The following REXO1 variants were observed in gnomAD, a reference collection of about 807,000 sequenced individuals.
REXO1 encodes REX1, RNA exonuclease 1 homolog.
A neutral mutation model predicts 102.6 loss-of-function variants in REXO1; 42 were observed. The ratio of observed to expected loss-of-function variants is 0.41; its 90% confidence interval spans 0.32 to 0.53. The LOEUF (loss-of-function observed/expected upper bound fraction) is 0.53. Among genes scored for constraint, REXO1 ranks in the 20% least tolerant of loss-of-function variants. The pLI is 0.27. For missense variants in REXO1, 1,819 were observed against 1,732.5 expected (o/e 1.05, Z -0.89); for synonymous variants, 908 against 779.1 (o/e 1.17, Z -2.76).
At position 1,819,041 on chromosome 19, in the gene REXO1, C is replaced by A. The variant is rs765938988; in HGVS notation, c.2741G>T (p.Ser914Ile). The part of the protein sequence containing the change: ...KTSFSLSRPS[S>I]PRVEDLKGAA... ...ACCTTTCAGGTCCTCCACCCGGGGG[C>A]TGCTTGGACGGCTGAGCGAGAAGCT... is the stretch of plus-strand genomic sequence containing the variant. The change falls in exon 8 of 16, where the codon AGC becomes ATC. Residue 914 changes from serine (S) to isoleucine (I), a missense_variant. Ser to Ile is a moderately radical substitution (Grantham distance 142). Transcript: ENST00000170168. The A allele has an allele frequency of 6.2e-7, 1 of 1,602,380 alleles. No homozygotes were observed. The highest frequency in any genetic ancestry group is 8.5e-7 in the Non-Finnish European group (1 of 1,173,620).
rs758182087 is a variant in REXO1 at position 1,818,499 on chromosome 19, C to T, written c.2999G>A (p.Arg1000Gln). The change falls in exon 10 of 16, where the codon CGG becomes CAG. Residue 1000 changes from arginine (R) to glutamine (Q), a missense_variant. Coordinates refer to ENST00000170168, the MANE Select transcript of REXO1 (RefSeq NM_020695.4). ...GGCCTTACCCCGGTTCCGGCGCAGC[C>T]GTCCCCAGTGGTAATAACACTCCTC... ...RDEECYYHWGRLRRNRVAGGW... is the reference protein window; with the variant it reads ...RDEECYYHWGQLRRNRVAGGW... 2.5e-6 allele frequency: 4 copies of T among 1,607,510 alleles called. No individual in the cohort carries two copies. The highest frequency in any genetic ancestry group is 1.1e-5 in the South Asian group (1 of 90,186).
rs1277483640 is a variant in REXO1 at position 1,848,442 on chromosome 19, G to C, written c.-84C>G. On this transcript the variant is annotated 5_prime_UTR_variant, in exon 1 of 16. Coordinates refer to ENST00000170168, the MANE Select transcript of REXO1 (RefSeq NM_020695.4). ...TGGCGCCGCGGTCGCCGCCGCCCGC[G>C]CCTCACGGACCCCGCCGCCGCCATC... 2 of 1,026,730 alleles carry C rather than the reference G, an allele frequency of 1.9e-6. No individual in the cohort carries two copies. Among genetic ancestry groups the C allele is most frequent in the African/African-American group, 3.4e-5 (2 of 58,048 alleles). 63.6% of individuals were successfully genotyped at this position (1,026,730 alleles called of 1,614,324 possible).
chr19:1,818,277 TTG>T (rs1393541471), intron 10 of REXO1, among the ~76,000 whole-genome samples: 6 of 152,188 alleles, frequency 3.9e-5, no homozygotes, highest in Admixed American at 2.0e-4. Flanking sequence ...GGGAAAGCTC[TTG>T]TCTTACTTTT....
intron 1 of REXO1, chr19:1,830,715 AG>A: frequency 8.2e-6 from 2 of 244,740 alleles, no homozygotes; most frequent in Non-Finnish European, 1.7e-5. Flanking sequence ...CCCGTCACTG[AG>A]GGGGCCATGG....
In REXO1 at chr19:1,827,133, G is replaced by A. The variant is rs990558690; in HGVS notation, c.1656C>T (p.Ser552=). Residue 552 remains serine, a synonymous_variant, in exon 2 of 16, where the codon TCC becomes TCT. Coordinates refer to ENST00000170168, the MANE Select transcript of REXO1 (RefSeq NM_020695.4). ...GGAAGCCCAGGCTGGAGTCTGAGTC[G>A]GAGTCTGAGTCCGAGCTGAGGCTGG... ...ALPSLSSDSD[S]DSDSSLGFPE... is the part of the protein sequence containing the mutation. 51 of 1,542,176 alleles carry A rather than the reference G, an allele frequency of 3.3e-5. No homozygotes were observed. In the East Asian group the frequency reaches 4.9e-4, roughly 15 times the overall value.
intron 1 of REXO1, among the ~76,000 whole-genome samples, chr19:1,836,814 C>T (rs1405876184): frequency 7.2e-5 from 11 of 152,010 alleles, no homozygotes; most frequent in Admixed American, 6.5e-4. Flanking sequence ...TCGGTGGGCC[C>T]GCAGGGCTCT....
rs2069710368 is a variant in REXO1 at position 1,826,056 on chromosome 19, C to T, written c.1912-113G>A. ...GGAATGGAACAGTCCAGCCCCCAGG[C>T]ACAGCAGCTGAGGGCTCAGGGCCAA... On this transcript the variant is annotated intron_variant, in intron 2 of 15. Coordinates refer to ENST00000170168, the MANE Select transcript of REXO1 (RefSeq NM_020695.4). The surrounding 1 kb of genome is among the most constrained non-coding windows in gnomAD (Gnocchi z 4.3). The T allele has an allele frequency of 6.8e-6, 5 of 735,426 alleles. No homozygotes were observed. The highest frequency in any genetic ancestry group is 4.4e-5 in the Admixed American group (2 of 45,032). 45.6% of individuals were successfully genotyped at this position (735,426 alleles called of 1,614,324 possible).
Position 1,825,895 on chromosome 19 carries a change from T to C in REXO1, c.1960A>G (p.Thr654Ala), listed in dbSNP as rs768744227. The part of the protein sequence containing the change: ...SEEKGLSGLT[T>A]LFPGQKRRIS... ...CTCCTCTTCTGCCCGGGGAACAGAG[T>C]GGTCAGACCCGAAAGCCCCTTCTCC... Residue 654 changes from threonine to alanine, a missense_variant, in exon 3 of 16, where the codon ACT becomes GCT. Transcript: ENST00000170168. The C allele has an allele frequency of 2.5e-6, 4 of 1,612,280 alleles. No individual in the cohort carries two copies. The highest frequency in any genetic ancestry group is 1.1e-5 in the South Asian group (1 of 91,018).
Position 1,843,993 on chromosome 19 carries a change from G to A in REXO1, c.157+4209C>T, listed in dbSNP as rs570915631. Among the ~76,000 whole-genome samples the A allele has an allele frequency of 4.7e-4, 71 of 152,370 alleles. 1 individual carries two copies. In the South Asian group the frequency reaches 0.012, roughly 25 times the overall value. On this transcript the variant is annotated intron_variant, in intron 1 of 15. Transcript: ENST00000170168. ...TGACTCGGGGCCTCAGAGTTTCCGAGGAGAGCTGGCAAGCCCTAACAGATC... is the reference window on the plus strand; with the variant it reads ...TGACTCGGGGCCTCAGAGTTTCCGAAGAGAGCTGGCAAGCCCTAACAGATC...
chr19:1,818,721 TCTC>T lies in REXO1; in HGVS notation c.2884_2886del (p.Glu962del), dbSNP rs759178484. ...AGCGACTCACAGTCCTTGGGCCTCT[TCTC>T]CTCAGCTGTGAAGATGATTGCGCCC... is the stretch of plus-strand genomic sequence containing the variant. On this transcript the variant is annotated inframe_deletion, in exon 9 of 16. Transcript: ENST00000170168. The T allele has an allele frequency of 1.2e-5, 20 of 1,611,004 alleles. No homozygotes were observed. The highest frequency in any genetic ancestry group is 1.2e-4 in the Admixed American group (7 of 59,988).
chr19:1,827,685 C>G lies in REXO1; in HGVS notation c.1104G>C (p.Gly368=). The change falls in exon 2 of 16, where the codon GGG becomes GGC. Residue 368 remains glycine, a synonymous_variant. Coordinates refer to ENST00000170168, the MANE Select transcript of REXO1 (RefSeq NM_020695.4). ...SPAQVQSSQD[G]GCPKEGKPKK... Reference sequence around the variant, plus strand: ...TGGGTTTTCCCTCCTTGGGGCAGCCCCCATCCTGTGAGGACTGGACCTGGG... The same window carrying G: ...TGGGTTTTCCCTCCTTGGGGCAGCCGCCATCCTGTGAGGACTGGACCTGGG... 6.4e-7 allele frequency: 1 copy of G among 1,567,566 alleles called. No individual in the cohort carries two copies. Among genetic ancestry groups the G allele is most frequent in the Non-Finnish European group, 8.5e-7 (1 of 1,171,000 alleles).
rs141209148 is a variant in REXO1, at chr19:1,821,756, G to T, written c.2231-74C>A. 7,264 of 1,422,426 alleles carry T rather than the reference G, an allele frequency of 5.1e-3. 139 individuals are homozygous for T. In the Admixed American group the frequency reaches 0.065, roughly 13 times the overall value. The allele number at this position is 1,422,426 out of a possible 1,614,324, so 88.1% of individuals were successfully genotyped here. A position where few individuals can be genotyped will look rare whatever the true frequency, so the allele number is the denominator to read the frequency against. On this transcript the variant is annotated intron_variant, in intron 4 of 15. Coordinates refer to ENST00000170168, the MANE Select transcript of REXO1 (RefSeq NM_020695.4). ...CCACGTGGCGGAGCACCAGGCAGCC[G>T]CGGCCGCTCAGCGCCAGCAGCACGT...
At chr19:1,846,393 C>A (rs1244713600) in intron 1 of REXO1, among the ~76,000 whole-genome samples, 1 of 152,182 alleles carries the variant, frequency 6.6e-6, no homozygotes, top group Non-Finnish European at 1.5e-5. Context: ...TAACAAGAAG[C>A]CCTACCACCC....
In REXO1 at chr19:1,827,323, G is replaced by C. The variant is rs751436863; in HGVS notation, c.1466C>G (p.Ser489Trp). The stretch of plus-strand genomic sequence containing the variant: ...GGCTTTCCGCTCCACTAGCTTCCCC[G>C]ACGGGGCCTTGGTGCTCTTCCTGTC... Reference protein sequence around the residue: ...LPDRKSTKAPSGKLVERKARS... With the variant: ...LPDRKSTKAPWGKLVERKARS... The change falls in exon 2 of 16, where the codon TCG (serine) becomes TGG (tryptophan). Residue 489 changes from serine (S) to tryptophan (W), a missense_variant. Ser to Trp is a radical substitution (Grantham distance 177). Coordinates refer to ENST00000170168, the MANE Select transcript of REXO1 (RefSeq NM_020695.4). The C allele has an allele frequency of 6.4e-7, 1 of 1,559,030 alleles. No homozygotes were observed. Among genetic ancestry groups the C allele is most frequent in the East Asian group, 2.4e-5 (1 of 42,356 alleles).
chr19:1,838,145 C>A (rs746534427), intron 1 of REXO1, among the ~76,000 whole-genome samples: 63 of 151,182 alleles, frequency 4.2e-4, no homozygotes, highest in Middle Eastern at 3.4e-3. Context: ...CATGGGGAAA[C>A]CCCGTCCCTA....
Position 1,827,018 on chromosome 19 carries a change from A to AGGT in REXO1, c.1768_1770dup (p.Thr590dup), listed in dbSNP as rs755223622. ...TAGTCCACATCCGCCCCCGCGCTGG[A>AGGT]GGTGGAGGAGGAGGAGGAGGAGGAG... On this transcript the variant is annotated inframe_insertion, in exon 2 of 16. Transcript: ENST00000170168. The AGGT allele has an allele frequency of 7.5e-5, 101 of 1,352,228 alleles. No homozygotes were observed. Among genetic ancestry groups the AGGT allele is most frequent in the South Asian group, 4.7e-4 (38 of 80,286 alleles). The allele number at this position is 1,352,228 out of a possible 1,614,324, so 83.8% of individuals were successfully genotyped here. A position where few individuals can be genotyped will look rare whatever the true frequency, so the allele number is the denominator to read the frequency against.
In REXO1 at chr19:1,825,855, G is replaced by T. The variant is rs750795255; in HGVS notation, c.2000C>A (p.Ser667Tyr). 2 of 1,612,320 alleles carry T rather than the reference G, an allele frequency of 1.2e-6. No individual in the cohort carries two copies. The highest frequency in any genetic ancestry group is 1.7e-6 in the Non-Finnish European group (2 of 1,179,090). ...PGQKRRISHL[S>Y]KQGQEVEPPR... The stretch of plus-strand genomic sequence containing the variant: ...GGACCTTACCTCCTGGCCTTGCTTG[G>T]AAAGGTGGGAGATCCTCCTCTTCTG... Residue 667 changes from serine (S) to tyrosine (Y), a missense_variant, in exon 3 of 16, where the codon TCC (serine) becomes TAC (tyrosine). Coordinates refer to ENST00000170168, the MANE Select transcript of REXO1 (RefSeq NM_020695.4).
chr19:1,828,771 C>T, intron 1 of REXO1, 140 bp from the exon 2 acceptor site: 1 of 1,168,992 alleles, frequency 8.6e-7, no homozygotes. Context: ...CGCCAAGGCT[C>T]TGGGGTGCCC....
rs1158866788 is a variant in REXO1 at position 1,826,209 on chromosome 19, A to G, written c.1912-266T>C. On this transcript the variant is annotated intron_variant, in intron 2 of 15. Transcript: ENST00000170168. This position sits in a 1 kb window ranked among gnomAD's most constrained non-coding sequence, Gnocchi z 4.3. Reference sequence around the variant, plus strand: ...TGGAGACCCCAGGGCTGCAGAATGAAAGCACACTGGGAAAGCGAGGCCACC... The same window carrying G: ...TGGAGACCCCAGGGCTGCAGAATGAGAGCACACTGGGAAAGCGAGGCCACC... 6.6e-6 allele frequency among the ~76,000 whole-genome samples: 1 copy of G among 152,130 alleles called. No individual in the cohort carries two copies. Among genetic ancestry groups the G allele is most frequent in the Non-Finnish European group, 1.5e-5 (1 of 68,012 alleles).
Sources: gnomAD v4.1 joint callset for allele counts (sites outside exome capture counted in the v4.1 genomes callset) on GRCh38, gnomAD v4.1.1 for gene constraint, Gnocchi (gnomAD v3.1) non-coding constraint, MANE v1.5 for transcripts, NCBI Gene and HGNC (gene_info 2026-07-23, HGNC 2026-07-21) for gene names.